Variants in BNC2 observed in about 807,000 individuals in gnomAD.
BNC2 encodes the protein basonuclin zinc finger protein 2.
Under a neutral mutation model 76.3 loss-of-function variants are expected in BNC2, and 20 were observed. The ratio of observed to expected loss-of-function variants is 0.26; its 90% confidence interval spans 0.18 to 0.38. The LOEUF is 0.38. Ranked by LOEUF, BNC2 falls within the 10% of genes least tolerant of loss-of-function variation. The pLI is 1.00. For synonymous variants in BNC2, 582 were observed against 514.8 expected (o/e 1.13, Z -1.77); for missense variants, 1,382 against 1,399.8 (o/e 0.99, Z 0.20).
At chr9:16,794,428 C>T (rs1259190433) in intron 1 of BNC2, among the ~76,000 whole-genome samples, 1 of 152,182 alleles carries the variant, frequency 6.6e-6, no homozygotes, top group African/African-American at 2.4e-5. Flanking sequence ...ACCGCCACCC[C>T]CAGCCACCTG....
chr9:16,846,718 A>G (rs894473831), intron 1 of BNC2, among the ~76,000 whole-genome samples: 1 of 152,232 alleles, frequency 6.6e-6, no homozygotes, highest in African/African-American at 2.4e-5. Flanking sequence ...TCTACAATAC[A>G]CTTTTACAAA....
At chr9:16,709,141 G>T (rs1188399292) in intron 3 of BNC2, among the ~76,000 whole-genome samples, 2 of 152,138 alleles carry the variant, frequency 1.3e-5, no homozygotes, top group Non-Finnish European at 2.9e-5. Flanking sequence ...TTTCCTATTT[G>T]GGCTGAAGTG....
chr9:16,754,681 C>T (rs895720518), intron 1 of BNC2, among the ~76,000 whole-genome samples: 2 of 152,150 alleles, frequency 1.3e-5, no homozygotes, highest in Non-Finnish European at 2.9e-5. Flanking sequence ...CCTCAGCCTC[C>T]TGAGTAGCTG....
At position 16,467,330 on chromosome 9, in the gene BNC2, G is replaced by C. The variant is rs1821714691; in HGVS notation, c.670-29806C>G. On this transcript the variant is annotated intron_variant, in intron 5 of 6. Coordinates refer to ENST00000380672, the MANE Select transcript of BNC2 (RefSeq NM_017637.6). ...CATTTGACCCAGCCATCCCATTACT[G>C]GGTATATACCCAAAGGACTATAAAT... 3.4e-5 allele frequency among the ~76,000 whole-genome samples: 5 copies of C among 146,330 alleles called. No individual in the cohort carries two copies. The East Asian group carries it at 8.1e-4, about 24-fold the overall frequency.
chr9:16,780,166 G>A (rs1388422158), intron 1 of BNC2, among the ~76,000 whole-genome samples: 1 of 149,918 alleles, frequency 6.7e-6, no homozygotes, highest in East Asian at 2.0e-4. Flanking sequence ...AACCTGGGAG[G>A]CGGAGCTTGC....
At chr9:16,671,990 A>T in intron 3 of BNC2, among the ~76,000 whole-genome samples, 1 of 152,224 alleles carries the variant, frequency 6.6e-6, no homozygotes, top group East Asian at 1.9e-4. Flanking sequence ...CAAACTCTGA[A>T]CAAATCATTC....
intron 5 of BNC2, among the ~76,000 whole-genome samples, chr9:16,512,081 G>A (rs1822770412): frequency 6.6e-6 from 1 of 152,066 alleles, no homozygotes; most frequent in African/African-American, 2.4e-5. Flanking sequence ...TTAATCTATT[G>A]TATACACATG....
At chr9:16,811,912 T>C (rs1586903578) in intron 1 of BNC2, among the ~76,000 whole-genome samples, 1 of 152,184 alleles carries the variant, frequency 6.6e-6, no homozygotes, top group African/African-American at 2.4e-5. Flanking sequence ...TACCTTGACC[T>C]TCCCTTCAGA....
At chr9:16,587,025 A>G (rs1819791615) in intron 3 of BNC2, among the ~76,000 whole-genome samples, 1 of 152,186 alleles carries the variant, frequency 6.6e-6, no homozygotes, top group Admixed American at 6.5e-5. Flanking sequence ...CAGAGTTTAC[A>G]AACATCAGCA....
intron 5 of BNC2, among the ~76,000 whole-genome samples, chr9:16,461,096 T>A (rs1821569439): frequency 1.3e-5 from 2 of 152,188 alleles, no homozygotes; most frequent in Admixed American, 1.3e-4. Flanking sequence ...CTTTGATCAA[T>A]TGAGGCTCTC....
rs548506104 is a variant in BNC2 at position 16,575,996 on chromosome 9, A to C, written c.433+6987T>G. 2.6e-5 allele frequency among the ~76,000 whole-genome samples: 4 copies of C among 152,350 alleles called. No homozygotes were observed. In the South Asian group the frequency reaches 8.3e-4, roughly 32 times the overall value. ...TCCAAACGAGTGCACCAAGGGAAGA[A>C]GACGATAGTGTTTCTATCCTTGTGT... On this transcript the variant is annotated intron_variant, in intron 4 of 6. Transcript: ENST00000380672.
intron 1 of BNC2, among the ~76,000 whole-genome samples, chr9:16,791,402 G>A (rs1047390711): frequency 6.6e-6 from 1 of 152,106 alleles, no homozygotes; most frequent in Non-Finnish European, 1.5e-5. Flanking sequence ...AACTTGGACT[G>A]TGTTGAGGGA....
intron 3 of BNC2, among the ~76,000 whole-genome samples, chr9:16,636,199 A>C (rs1006047956): frequency 2.6e-5 from 4 of 152,202 alleles, no homozygotes; most frequent in Non-Finnish European, 5.9e-5. Context: ...TATAATCATA[A>C]TGCTGAAAAA....
chr9:16,451,023 T>C (rs1479665393), intron 5 of BNC2, among the ~76,000 whole-genome samples: 3 of 151,746 alleles, frequency 2.0e-5, no homozygotes, highest in East Asian at 2.0e-4. Context: ...AGGCTATCTA[T>C]GGATGTACAG....
At chr9:16,767,936 G>T (rs1355096866) in intron 1 of BNC2, among the ~76,000 whole-genome samples, 2 of 151,494 alleles carry the variant, frequency 1.3e-5, no homozygotes, top group African/African-American at 4.9e-5. Context: ...AAATCTATCA[G>T]GGCAAGAAGT....
chr9:16,777,786 T>C (rs1826011010), intron 1 of BNC2, among the ~76,000 whole-genome samples: 1 of 151,784 alleles, frequency 6.6e-6, no homozygotes, highest in African/African-American at 2.4e-5. Flanking sequence ...GCACTGTTTA[T>C]AATAACAAAA....
chr9:16,601,913 C>A (rs567885935), intron 3 of BNC2, among the ~76,000 whole-genome samples: 372 of 152,214 alleles, frequency 2.4e-3, no homozygotes, highest in African/African-American at 8.5e-3. Flanking sequence ...CTGGAAAGTA[C>A]CCAGCACAAC....
chr9:16,740,978 C>T (rs1049050695), intron 1 of BNC2, among the ~76,000 whole-genome samples: 1 of 152,078 alleles, frequency 6.6e-6, no homozygotes, highest in African/African-American at 2.4e-5. Context: ...ATTTTTTCCA[C>T]TAAACTGTAC....
intron 3 of BNC2, among the ~76,000 whole-genome samples, chr9:16,614,126 T>C (rs184039925): frequency 2.0e-5 from 3 of 152,320 alleles, no homozygotes; most frequent in East Asian, 3.9e-4. Context: ...ACGCTTGGGA[T>C]TGAAACCCAA....
Sources: allele counts gnomAD v4.1 joint callset (sites outside exome capture counted in the v4.1 genomes callset), GRCh38; gene constraint gnomAD v4.1.1; transcripts MANE v1.5; gene names NCBI Gene and HGNC (gene_info 2026-07-23, HGNC 2026-07-21).